The following CDH18 variants were observed in gnomAD, a reference collection of about 807,000 sequenced individuals.
The protein encoded by CDH18 is cadherin-18.
In CDH18, 31 loss-of-function variants were observed where a neutral mutation model predicts 67.9. The observed-to-expected ratio is 0.46, with a 90% CI of 0.34 to 0.62. CDH18 has a LOEUF of 0.62. Ranked by LOEUF, CDH18 falls within the 20% of genes least tolerant of loss-of-function variation. The pLI, the probability that CDH18 is intolerant of heterozygous loss-of-function variation, is 0.01. For synonymous variants in CDH18, 362 were observed against 347.2 expected, an observed-to-expected ratio of 1.04 and a Z score of -0.48; for missense variants, 890 against 975.5, an observed-to-expected ratio of 0.91 and a Z score of 1.17.
chr5:19,759,992 G>T (rs546581494), intron 3 of CDH18, among the ~76,000 whole-genome samples: 2 of 152,180 alleles, frequency 1.3e-5, no homozygotes, highest in Admixed American at 1.3e-4. Flanking sequence ...TAGGAATGCA[G>T]TAGGCTTCCT....
intron 1 of CDH18, among the ~76,000 whole-genome samples, chr5:20,444,811 CT>C: frequency 6.7e-6 from 1 of 149,498 alleles, no homozygotes. Context: ...TCACCGTTCA[CT>C]GCGACTACAT....
intron 1 of CDH18, among the ~76,000 whole-genome samples, chr5:20,290,699 T>A (rs1441258228): frequency 6.6e-6 from 1 of 152,150 alleles, no homozygotes; most frequent in African/African-American, 2.4e-5. Flanking sequence ...AAAGGTGATA[T>A]GTTCAAAGCC....
At chr5:20,089,017 C>T (rs1425696523) in intron 2 of CDH18, among the ~76,000 whole-genome samples, 2 of 151,998 alleles carry the variant, frequency 1.3e-5, no homozygotes, top group South Asian at 2.1e-4. Context: ...GTATGTATTG[C>T]TGTTTTTTCT....
intron 1 of CDH18, among the ~76,000 whole-genome samples, chr5:20,364,524 TTTAGAACATGTTTTC>T (rs2150075884): frequency 6.6e-6 from 1 of 152,234 alleles, no homozygotes; most frequent in Non-Finnish European, 1.5e-5. Context: ...GAGTCTAGGT[TTTAGAACATGTTTTC>T]AGAATTTAAA....
intron 11 of CDH18, 74 bp downstream of exon 11, chr5:19,502,918 A>G: frequency 2.3e-6 from 2 of 875,846 alleles, no homozygotes; most frequent in East Asian, 2.4e-5. Context: ...GTGTGTATAT[A>G]AGAATAAAGC....
chr5:19,783,813 C>G (rs1349346700), intron 3 of CDH18, among the ~76,000 whole-genome samples: 1 of 152,052 alleles, frequency 6.6e-6, no homozygotes, highest in East Asian at 1.9e-4. Context: ...GACAAGAAAA[C>G]ATTTACTATA....
chr5:19,620,372 T>C (rs1372183302), intron 5 of CDH18, among the ~76,000 whole-genome samples: 1 of 152,172 alleles, frequency 6.6e-6, no homozygotes, highest in African/African-American at 2.4e-5. Flanking sequence ...TCCTCTCAGA[T>C]CACAAGATTA....
intron 1 of CDH18, among the ~76,000 whole-genome samples, chr5:20,515,771 G>A (rs1755331036): frequency 6.6e-6 from 1 of 152,028 alleles, no homozygotes; most frequent in Non-Finnish European, 1.5e-5. Flanking sequence ...AAAATGCATG[G>A]AAATTCTGTC....
intron 2 of CDH18, among the ~76,000 whole-genome samples, chr5:20,182,104 G>A (rs749898508): frequency 7.9e-5 from 12 of 152,050 alleles, no homozygotes; most frequent in Non-Finnish European, 1.5e-4. Context: ...TTGAACTGGC[G>A]AAAGTGGCAT....
intron 2 of CDH18, among the ~76,000 whole-genome samples, chr5:19,863,424 C>T (rs1235425951): frequency 6.6e-6 from 1 of 152,148 alleles, no homozygotes; most frequent in Admixed American, 6.5e-5. Context: ...CAAATACTGG[C>T]AATCTCTTCC....
chr5:20,065,017 T>TA (rs1159432141), intron 2 of CDH18, among the ~76,000 whole-genome samples: 3 of 152,074 alleles, frequency 2.0e-5, no homozygotes, highest in Non-Finnish European at 4.4e-5. Context: ...CCTAAACTGT[T>TA]AAAATAACAG....
At chr5:20,081,236 A>G (rs1022619219) in intron 2 of CDH18, among the ~76,000 whole-genome samples, 2 of 152,144 alleles carry the variant, frequency 1.3e-5, no homozygotes, top group Non-Finnish European at 2.9e-5. Flanking sequence ...ATACCCTTAA[A>G]GTTTTATATT....
At chr5:19,675,302 T>C (rs1438321976) in intron 5 of CDH18, among the ~76,000 whole-genome samples, 3 of 151,974 alleles carry the variant, frequency 2.0e-5, no homozygotes, top group African/African-American at 7.2e-5. Flanking sequence ...GAGACTGGGT[T>C]TGAGAGCAGA....
At chr5:20,119,446 C>A (rs1174390557) in intron 2 of CDH18, among the ~76,000 whole-genome samples, 2 of 152,046 alleles carry the variant, frequency 1.3e-5, no homozygotes, top group Non-Finnish European at 2.9e-5. Context: ...GCTTTATTTG[C>A]AGTATAAATA....
intron 1 of CDH18, among the ~76,000 whole-genome samples, chr5:20,444,480 T>C (rs1031147557): frequency 1.3e-5 from 2 of 152,140 alleles, no homozygotes; most frequent in Non-Finnish European, 2.9e-5. Context: ...GAGGTTGCAG[T>C]GAGCCAAGAT....
At chr5:19,978,587 G>A (rs1798724945) in intron 2 of CDH18, among the ~76,000 whole-genome samples, 1 of 152,078 alleles carries the variant, frequency 6.6e-6, no homozygotes, top group Non-Finnish European at 1.5e-5. Context: ...TCTGACATAA[G>A]TCTCAACTGA....
At chr5:20,461,219 G>A (rs992640486) in intron 1 of CDH18, among the ~76,000 whole-genome samples, 13 of 152,108 alleles carry the variant, frequency 8.5e-5, no homozygotes, top group African/African-American at 2.9e-4. Flanking sequence ...TGGGAGCTAC[G>A]TTGCTTCACC....
At position 19,838,914 on chromosome 5, in the gene CDH18, T is replaced by C. The variant is rs1781973766; in HGVS notation, c.73A>G (p.Thr25Ala). 1.9e-6 allele frequency: 3 copies of C among 1,614,052 alleles called. No individual in the cohort carries two copies. Among genetic ancestry groups the C allele is most frequent in the African/African-American group, 2.7e-5 (2 of 75,066 alleles). Residue 25 changes from threonine to alanine, a missense_variant, in exon 3 of 13, where the codon ACT becomes GCT. Around this residue, in one of 2 missense-constraint regions of CDH18, gnomAD observed 234 missense variants for 307.4 expected, o/e 0.76. Coordinates refer to ENST00000382275, the MANE Select transcript of CDH18 (RefSeq NM_004934.5). ...CLCFVQRCYG[T>A]AHHSSIKVMR... is the part of the protein sequence containing the mutation. ...ACCTTGATGGAGCTGTGGTGAGCAGTTCCATAACACCTCTGCACAAAACAG... is the reference window on the plus strand; with the variant it reads ...ACCTTGATGGAGCTGTGGTGAGCAGCTCCATAACACCTCTGCACAAAACAG...
At chr5:19,816,602 G>T (rs1358301961) in intron 3 of CDH18, among the ~76,000 whole-genome samples, 2 of 151,698 alleles carry the variant, frequency 1.3e-5, no homozygotes, top group Non-Finnish European at 3.0e-5. Context: ...TGGTAAATAT[G>T]AAACATAAAT....
Sources: gnomAD v4.1 joint callset for allele counts (sites outside exome capture counted in the v4.1 genomes callset) on GRCh38, gnomAD v4.1.1 for gene constraint, gnomAD v4.1.1 regional missense constraint, MANE v1.5 for transcripts, NCBI Gene and HGNC (gene_info 2026-07-23, HGNC 2026-07-21) for gene names.